CLSTN2: variants seen among roughly 807,000 people sequenced by gnomAD.
The protein encoded by CLSTN2 is calsyntenin 2.
CLSTN2 carries 48 observed loss-of-function variants against 101.2 expected under a neutral mutation model. The ratio of observed to expected loss-of-function variants is 0.47; its 90% confidence interval spans 0.38 to 0.60. The LOEUF is 0.60. Among genes scored for constraint, CLSTN2 ranks in the 20% least tolerant of loss-of-function variants. The pLI, the probability that CLSTN2 is intolerant of heterozygous loss-of-function variation, is 0.00. For missense variants in CLSTN2, 1,160 were observed against 1,238.2 expected, an observed-to-expected ratio of 0.94 and a Z score of 0.95; for synonymous variants, 481 against 463.6, an observed-to-expected ratio of 1.04 and a Z score of -0.48.
chr3:140,349,782 AG>A (rs1254235305), intron 2 of CLSTN2, among the ~76,000 whole-genome samples: 1 of 152,222 alleles, frequency 6.6e-6, no homozygotes, highest in African/African-American at 2.4e-5. Context: ...GCTCCACGAC[AG>A]TTTCCTCTTC....
intron 1 of CLSTN2, among the ~76,000 whole-genome samples, chr3:139,948,655 G>T (rs1239205149): frequency 6.6e-6 from 1 of 152,136 alleles, no homozygotes. Flanking sequence ...CAAGTCCTCT[G>T]TCTTTAGTAC....
At chr3:140,202,735 C>T (rs2010732536) in intron 2 of CLSTN2, among the ~76,000 whole-genome samples, 2 of 152,096 alleles carry the variant, frequency 1.3e-5, no homozygotes, top group African/African-American at 4.8e-5. Context: ...GAATAAATGG[C>T]CAGTGTGTTA....
At chr3:140,558,606 C>A in intron 11 of CLSTN2, 34 bp from the exon 12 acceptor site, 1 of 1,561,380 alleles carries the variant, frequency 6.4e-7, no homozygotes, top group Non-Finnish European at 8.8e-7. Context: ...TAATTGTTTG[C>A]TCATCAGTGC....
intron 2 of CLSTN2, among the ~76,000 whole-genome samples, chr3:140,244,469 C>G (rs2086497689): frequency 6.6e-6 from 1 of 152,136 alleles, no homozygotes; most frequent in South Asian, 2.1e-4. Context: ...GGGAAGGGTC[C>G]CTGTCTTAGT....
intron 1 of CLSTN2, among the ~76,000 whole-genome samples, chr3:140,161,429 A>G (rs756344615): frequency 6.6e-6 from 1 of 152,206 alleles, no homozygotes; most frequent in Non-Finnish European, 1.5e-5. Context: ...TCCTGACAGC[A>G]TGCACTCAAG....
At chr3:140,012,719 T>G (rs1409973598) in intron 1 of CLSTN2, among the ~76,000 whole-genome samples, 4 of 151,784 alleles carry the variant, frequency 2.6e-5, no homozygotes, top group Admixed American at 1.3e-4. Context: ...ATAGGAAGGG[T>G]TGGAAATGTG....
chr3:140,187,870 T>C (rs898240034), intron 2 of CLSTN2, among the ~76,000 whole-genome samples: 2 of 151,768 alleles, frequency 1.3e-5, no homozygotes, highest in African/African-American at 4.8e-5. Flanking sequence ...AGCAGGGGAG[T>C]GCTGAGATGG....
intron 1 of CLSTN2, among the ~76,000 whole-genome samples, chr3:140,152,391 C>T (rs2009881976): frequency 6.6e-6 from 1 of 152,068 alleles, no homozygotes; most frequent in Admixed American, 6.5e-5. Flanking sequence ...AAGGGTGGTC[C>T]CTCTAATATT....
At chr3:140,174,340 A>G (rs1436923809) in intron 1 of CLSTN2, among the ~76,000 whole-genome samples, 1 of 152,186 alleles carries the variant, frequency 6.6e-6, no homozygotes, top group Non-Finnish European at 1.5e-5. Flanking sequence ...CTTATTGCCC[A>G]TATCACTATC....
intron 2 of CLSTN2, among the ~76,000 whole-genome samples, chr3:140,203,788 G>A (rs1160581135): frequency 6.6e-6 from 1 of 152,152 alleles, no homozygotes; most frequent in Non-Finnish European, 1.5e-5. Context: ...GCAGTGGTAG[G>A]AACAATGACA....
chr3:140,451,143 G>C (rs530495797), intron 6 of CLSTN2, among the ~76,000 whole-genome samples: 1 of 152,168 alleles, frequency 6.6e-6, no homozygotes, highest in African/African-American at 2.4e-5. Flanking sequence ...AGTTAGCATC[G>C]TTTCCTAAAC....
At chr3:140,352,386 C>T (rs1328817125) in intron 2 of CLSTN2, among the ~76,000 whole-genome samples, 1 of 152,136 alleles carries the variant, frequency 6.6e-6, no homozygotes, top group Non-Finnish European at 1.5e-5. Context: ...AGGCTTTGTC[C>T]TAAGACAACT....
At chr3:140,255,578 C>T (rs2086597799) in intron 2 of CLSTN2, among the ~76,000 whole-genome samples, 1 of 152,014 alleles carries the variant, frequency 6.6e-6, no homozygotes, top group Non-Finnish European at 1.5e-5. Flanking sequence ...ACAAAGAAGG[C>T]AGCAATAGAC....
At chr3:140,496,058 G>A (rs1406303523) in intron 8 of CLSTN2, among the ~76,000 whole-genome samples, 4 of 152,138 alleles carry the variant, frequency 2.6e-5, no homozygotes, top group Non-Finnish European at 5.9e-5. Context: ...TTTGGGCAGT[G>A]TGACCATTTT....
intron 1 of CLSTN2, among the ~76,000 whole-genome samples, chr3:139,939,692 C>A (rs1252421268): frequency 6.6e-6 from 1 of 152,176 alleles, no homozygotes; most frequent in African/African-American, 2.4e-5. Flanking sequence ...CTTGAATATT[C>A]CAGATTGCAC....
intron 8 of CLSTN2, among the ~76,000 whole-genome samples, chr3:140,485,645 C>T (rs1934222936): frequency 6.6e-6 from 1 of 152,162 alleles, no homozygotes; most frequent in Non-Finnish European, 1.5e-5. Context: ...CTACTCAAGC[C>T]TCGGCAATGG....
chr3:140,049,518 A>AG (rs2007948354), intron 1 of CLSTN2, among the ~76,000 whole-genome samples: 1 of 152,112 alleles, frequency 6.6e-6, no homozygotes, highest in Non-Finnish European at 1.5e-5. Flanking sequence ...AGCCTCCCTG[A>AG]GGGGGGACTA....
intron 2 of CLSTN2, among the ~76,000 whole-genome samples, chr3:140,177,453 T>TA (rs1239310466): frequency 6.6e-6 from 1 of 152,106 alleles, no homozygotes; most frequent in Admixed American, 6.6e-5. Context: ...CAAATATTAG[T>TA]AAAAATGTTT....
At chr3:140,252,170 T>A (rs1020334451) in intron 2 of CLSTN2, among the ~76,000 whole-genome samples, 2 of 151,962 alleles carry the variant, frequency 1.3e-5, no homozygotes, top group Admixed American at 1.3e-4. Flanking sequence ...ATGAACTTTA[T>A]TTATAAAGAA....
Sources: gnomAD v4.1 joint callset for allele counts (sites outside exome capture counted in the v4.1 genomes callset) on GRCh38, gnomAD v4.1.1 for gene constraint, MANE v1.5 for transcripts, NCBI Gene and HGNC (gene_info 2026-07-23, HGNC 2026-07-21) for gene names.